MEIOSIN: variants seen among roughly 807,000 people sequenced by gnomAD.
MEIOSIN encodes meiosis initiator protein.
Under a neutral mutation model 23.4 loss-of-function variants are expected in MEIOSIN, and 18 were observed. That is an observed-to-expected ratio of 0.77 (90% CI 0.53 to 1.14). The LOEUF is 1.14. Ranked by LOEUF, MEIOSIN falls within the 50% of genes most tolerant of loss-of-function variation. MEIOSIN has a pLI of 0.00. For synonymous variants in MEIOSIN, 187 were observed against 100.6 expected (o/e 1.86, Z -5.14); for missense variants, 428 against 242.9 (o/e 1.76, Z -5.07).
chr19:45,759,268 G>A, intron 10 of MEIOSIN, 146 bp from the exon 11 acceptor site: 1 of 638,582 alleles, frequency 1.6e-6, no homozygotes, highest in Non-Finnish European at 2.8e-6. Flanking sequence ...GGAGTGGGCT[G>A]TGAGCGGGAT....
chr19:45,741,015 G>A (rs1219296186), intron 3 of MEIOSIN, among the ~76,000 whole-genome samples: 1 of 151,908 alleles, frequency 6.6e-6, no homozygotes, highest in Non-Finnish European at 1.5e-5. Flanking sequence ...GGCTTCTGTG[G>A]GCCCTATACA....
At chr19:45,759,355 G>C in intron 10 of MEIOSIN, 59 bp from the exon 11 acceptor site, 1 of 700,828 alleles carries the variant, frequency 1.4e-6, no homozygotes, top group South Asian at 1.5e-5. Flanking sequence ...TGTGGCTGAA[G>C]CTGGGCGGTG....
intron 2 of MEIOSIN, among the ~76,000 whole-genome samples, chr19:45,739,073 C>T (rs944264322): frequency 6.6e-6 from 1 of 152,178 alleles, no homozygotes; most frequent in African/African-American, 2.4e-5. Context: ...TGCCGGGAAT[C>T]TGCGTCTCTT....
intron 2 of MEIOSIN, among the ~76,000 whole-genome samples, chr19:45,736,423 C>T (rs1407314847): frequency 1.3e-5 from 2 of 151,892 alleles, no homozygotes; most frequent in Non-Finnish European, 2.9e-5. Flanking sequence ...AGTGCAGTGG[C>T]GCGATCTTGG....
Position 45,758,929 on chromosome 19 carries a change from G to A in MEIOSIN, c.1064G>A (p.Gly355Asp), listed in dbSNP as rs1467423862. The A allele has an allele frequency of 4.3e-6, 3 of 702,976 alleles. No individual in the cohort carries two copies. The highest frequency in any genetic ancestry group is 7.8e-6 in the Non-Finnish European group (3 of 385,032). The allele number at this position is 702,976 out of a possible 1,614,324, so 43.5% of individuals were successfully genotyped here. The change falls in exon 10 of 15, where the codon GGC (glycine) becomes GAC (aspartate). Residue 355 changes from glycine (G) to aspartate (D), a missense_variant. Transcript: ENST00000457052. ...PPQIDVWSGTGHPSEILGLSP... is the reference protein window; with the variant it reads ...PPQIDVWSGTDHPSEILGLSP... Reference sequence around the variant, plus strand: ...CAGATTGATGTCTGGAGTGGAACAGGCCACCCAAGTGAGATCCTCGGGCTC... The same window carrying A: ...CAGATTGATGTCTGGAGTGGAACAGACCACCCAAGTGAGATCCTCGGGCTC...
intron 5 of MEIOSIN, among the ~76,000 whole-genome samples, chr19:45,751,311 T>TAATAATAATA (rs977199924): frequency 3.4e-5 from 5 of 145,482 alleles, no homozygotes; most frequent in African/African-American, 1.3e-4. Flanking sequence ...ATAATAATAA[T>TAATAATAATA]ATATACATAA....
chr19:45,760,521 G>T (rs1050769591), intron 11 of MEIOSIN, among the ~76,000 whole-genome samples: 1 of 151,764 alleles, frequency 6.6e-6, no homozygotes, highest in Non-Finnish European at 1.5e-5. Context: ...CAGAAGAATC[G>T]CTTAAACCTG....
At chr19:45,762,404 C>T (rs962988454) in intron 13 of MEIOSIN, among the ~76,000 whole-genome samples, 3 of 152,024 alleles carry the variant, frequency 2.0e-5, no homozygotes, top group Non-Finnish European at 4.4e-5. Context: ...AGGCTTTAGA[C>T]TTCAGAAAAA....
intron 2 of MEIOSIN, among the ~76,000 whole-genome samples, chr19:45,739,276 G>T (rs974106737): frequency 2.0e-5 from 3 of 152,040 alleles, no homozygotes; most frequent in Admixed American, 6.6e-5. Flanking sequence ...TCAGCCTCCC[G>T]AGTAGCTGAG....
At chr19:45,753,309 T>A (rs1048180099) in intron 5 of MEIOSIN, among the ~76,000 whole-genome samples, 3 of 151,614 alleles carry the variant, frequency 2.0e-5, no homozygotes, top group Admixed American at 2.0e-4. Context: ...CTTGAGGGGG[T>A]CGGCTAGGAG....
At chr19:45,748,848 C>T (rs532495762) in intron 4 of MEIOSIN, among the ~76,000 whole-genome samples, 5 of 151,926 alleles carry the variant, frequency 3.3e-5, no homozygotes, top group Non-Finnish European at 7.4e-5. Flanking sequence ...GTGGGTGGAT[C>T]ACTTGAGGTC....
At position 45,764,445 on chromosome 19, in the gene MEIOSIN, A is replaced by T. The variant is rs953077975; in HGVS notation, c.*327A>T. On this transcript the variant is annotated 3_prime_UTR_variant, in exon 15 of 15. Transcript: ENST00000457052. ...GAGCCACTCGGTTGCAACCCTGTTC[A>T]TGCTCACCTCACCCTACTCCTCCCT... 3.6e-6 allele frequency: 1 copy of T among 277,560 alleles called. No homozygotes were observed. Among genetic ancestry groups the T allele is most frequent in the Non-Finnish European group, 6.6e-6 (1 of 151,074 alleles). 17.2% of individuals were successfully genotyped at this position (277,560 alleles called of 1,614,324 possible). A position where few individuals can be genotyped will look rare whatever the true frequency, so the allele number is the denominator to read the frequency against.
At chr19:45,750,534 T>C (rs1258164811) in intron 4 of MEIOSIN, 141 bp from the exon 5 acceptor site, 1 of 301,954 alleles carries the variant, frequency 3.3e-6, no homozygotes, top group Non-Finnish European at 6.2e-6. Flanking sequence ...TAATTTTTTG[T>C]ATTTTTAGTA....
At position 45,745,333 on chromosome 19, in the gene MEIOSIN, A is replaced by G. The variant is rs1968574366; in HGVS notation, c.306+12A>G. The G allele has an allele frequency of 1.4e-6, 1 of 698,286 alleles. No homozygotes were observed. Among genetic ancestry groups the G allele is most frequent in the East Asian group, 2.7e-5 (1 of 37,242 alleles). The allele number at this position is 698,286 out of a possible 1,614,324, so 43.3% of individuals were successfully genotyped here. A position where few individuals can be genotyped will look rare whatever the true frequency, so the allele number is the denominator to read the frequency against. ...AGAAGCTCACAAAGGTACAGGGACT[A>G]GAGGAGAGGGGCCAGATTTGGGACG... is the stretch of plus-strand genomic sequence containing the variant. On this transcript the variant is annotated intron_variant, in intron 4 of 14. Transcript: ENST00000457052.
rs545782047 is a variant in MEIOSIN, at chr19:45,762,322, C to T, written c.1679+139C>T. 21 of 398,370 alleles carry T rather than the reference C, an allele frequency of 5.3e-5. No homozygotes were observed. In the South Asian group the frequency reaches 3.0e-3, roughly 56 times the overall value. 24.7% of individuals were successfully genotyped at this position (398,370 alleles called of 1,614,324 possible). A position where few individuals can be genotyped will look rare whatever the true frequency, so the allele number is the denominator to read the frequency against. ...CACAAACCCTTCGTGGACCACAGTTCTTCCCCAGAACTGAACCCGGCCCCA... is the reference window on the plus strand; with the variant it reads ...CACAAACCCTTCGTGGACCACAGTTTTTCCCCAGAACTGAACCCGGCCCCA... On this transcript the variant is annotated intron_variant, in intron 13 of 14. Coordinates refer to ENST00000457052, the MANE Select transcript of MEIOSIN (RefSeq NM_001310124.2).
intron 4 of MEIOSIN, among the ~76,000 whole-genome samples, chr19:45,747,751 G>A (rs755186511): frequency 6.6e-6 from 1 of 152,128 alleles, no homozygotes; most frequent in African/African-American, 2.4e-5. Context: ...TGGTCACATC[G>A]CCCACAGGCA....
chr19:45,745,721 C>G (rs1381131525), intron 4 of MEIOSIN, among the ~76,000 whole-genome samples: 2 of 152,036 alleles, frequency 1.3e-5, no homozygotes, highest in African/African-American at 4.8e-5. Context: ...CACAGGCCAC[C>G]ACACCCGGCT....
At chr19:45,755,095 C>T (rs901112027) in intron 7 of MEIOSIN, among the ~76,000 whole-genome samples, 3 of 151,434 alleles carry the variant, frequency 2.0e-5, no homozygotes, top group Admixed American at 6.6e-5. Context: ...GGTCGGAGCT[C>T]GAGGCTTTGA....
At chr19:45,750,348 C>A (rs1427135642) in intron 4 of MEIOSIN, among the ~76,000 whole-genome samples, 1 of 96,206 alleles carries the variant, frequency 1.0e-5, no homozygotes, top group Non-Finnish European at 1.9e-5. Flanking sequence ...TTCTTTCTTT[C>A]TTTTTCTTTT....
Sources: gnomAD v4.1 joint callset for allele counts (sites outside exome capture counted in the v4.1 genomes callset) on GRCh38, gnomAD v4.1.1 for gene constraint, MANE v1.5 for transcripts, NCBI Gene and HGNC (gene_info 2026-07-23, HGNC 2026-07-21) for gene names.